The following SLC22A23 variants were observed in gnomAD, a reference collection of about 807,000 sequenced individuals.
The protein encoded by SLC22A23 is ion transporter protein.
Under a neutral mutation model 61.0 loss-of-function variants are expected in SLC22A23, and 26 were observed. That is an observed-to-expected ratio of 0.43 (90% confidence interval 0.31 to 0.59). The LOEUF (loss-of-function observed/expected upper bound fraction) is 0.59. SLC22A23 is among the 20% of genes least tolerant of loss of function. The probability of loss-of-function intolerance (pLI) is 0.11; values close to 1 mark genes in which losing one functional copy is unlikely to be tolerated. For synonymous variants in SLC22A23, 430 were observed against 413.9 expected (o/e 1.04, Z -0.47); for missense variants, 796 against 934.7 (o/e 0.85, Z 1.94).
rs544193752 is a variant in SLC22A23 at position 3,279,406 on chromosome 6, G to T, written c.1703+4446C>A. On this transcript the variant is annotated intron_variant, in intron 9 of 9. Transcript: ENST00000406686. Reference sequence around the variant, plus strand: ...CGTGCACGTAATCCCAGCTGCTTGGGAGGCTGAGGCAGGAGAATCACTTGA... The same window carrying T: ...CGTGCACGTAATCCCAGCTGCTTGGTAGGCTGAGGCAGGAGAATCACTTGA... Among the ~76,000 whole-genome samples the T allele has an allele frequency of 7.4e-5, 11 of 149,646 alleles. No homozygotes were observed. In the East Asian group the frequency reaches 1.8e-3, roughly 24 times the overall value.
intron 4 of SLC22A23, 139 bp from the exon 5 acceptor site, chr6:3,298,357 T>G: frequency 1.1e-6 from 1 of 940,332 alleles, no homozygotes; most frequent in Admixed American, 3.1e-5. Context: ...TCAGGGGAGA[T>G]AAAACTGTGG....
Position 3,286,742 on chromosome 6 carries a change from T to C in SLC22A23, c.1546+117A>G, listed in dbSNP as rs1268573058. The C allele has an allele frequency of 5.4e-6, 5 of 917,508 alleles. No individual in the cohort carries two copies. The African/African-American group carries it at 8.2e-5, about 15-fold the overall frequency. The allele number at this position is 917,508 out of a possible 1,614,324, so 56.8% of individuals were successfully genotyped here. ...GAAGCTCTGTTCTCCCCAAAGCAGC[T>C]CCTTCCAGCAGTAGATTTTAGAGTG... On this transcript the variant is annotated intron_variant, in intron 7 of 9. Coordinates refer to ENST00000406686, the MANE Select transcript of SLC22A23 (RefSeq NM_015482.2). This position sits in a 1 kb window ranked among gnomAD's most constrained non-coding sequence, Gnocchi z 4.2.
chr6:3,310,943 T>G (rs1013374220), intron 4 of SLC22A23, among the ~76,000 whole-genome samples: 1 of 152,174 alleles, frequency 6.6e-6, no homozygotes, highest in Non-Finnish European at 1.5e-5. Flanking sequence ...AGTCATTCCT[T>G]TATTTGTTTT....
chr6:3,303,765 A>G (rs1761783336), intron 4 of SLC22A23, among the ~76,000 whole-genome samples: 1 of 152,214 alleles, frequency 6.6e-6, no homozygotes, highest in African/African-American at 2.4e-5. Context: ...GATAGGAGGA[A>G]TATGTTCTAG....
In SLC22A23 at chr6:3,274,957, CTTT is replaced by C. The variant is rs11393848; in HGVS notation, c.1704-1548_1704-1546del. On this transcript the variant is annotated intron_variant, in intron 9 of 9. Transcript: ENST00000406686. Reference sequence around the variant, plus strand: ...TAATCCCTATCAAAATTCCAGGTGACTTTTTTTTTTTTTCAGAAAACAGCCAAT... The same window carrying C: ...TAATCCCTATCAAAATTCCAGGTGACTTTTTTTTTTCAGAAAACAGCCAAT... Among the ~76,000 whole-genome samples, 35 of 143,434 alleles carry C rather than the reference CTTT, an allele frequency of 2.4e-4. No homozygotes were observed. In the East Asian group the frequency reaches 5.0e-3, roughly 21 times the overall value. The allele number at this position is 143,434 out of a possible 152,430, so 94.1% of individuals were successfully genotyped here. A position where few individuals can be genotyped will look rare whatever the true frequency, so the allele number is the denominator to read the frequency against.
At position 3,427,600 on chromosome 6, in the gene SLC22A23, T is replaced by A. The variant is rs1290595441; in HGVS notation, c.655-11745A>T. On this transcript the variant is annotated intron_variant, in intron 1 of 9. Coordinates refer to ENST00000406686, the MANE Select transcript of SLC22A23 (RefSeq NM_015482.2). This position sits in a 1 kb window ranked among gnomAD's most constrained non-coding sequence, Gnocchi z 4.3. ...CCCGGGGCTCTACCGTGCTTTCAGGTCCTCCCACCACCTCTCAGGATGCCG... is the reference window on the plus strand; with the variant it reads ...CCCGGGGCTCTACCGTGCTTTCAGGACCTCCCACCACCTCTCAGGATGCCG... Among the ~76,000 whole-genome samples, 1 of 152,028 alleles carries A rather than the reference T, an allele frequency of 6.6e-6. No homozygotes were observed. The highest frequency in any genetic ancestry group is 2.4e-5 in the African/African-American group (1 of 41,394).
chr6:3,441,851 C>T (rs941640312), intron 1 of SLC22A23, among the ~76,000 whole-genome samples: 3 of 152,176 alleles, frequency 2.0e-5, no homozygotes, highest in African/African-American at 7.2e-5. Context: ...TGACACCAGC[C>T]CAGGGCAGAT....
chr6:3,419,306 T>A (rs994524910), intron 1 of SLC22A23, among the ~76,000 whole-genome samples: 6 of 152,106 alleles, frequency 3.9e-5, no homozygotes. Context: ...CACCCCGATT[T>A]ATAGGGATGG....
At chr6:3,434,376 G>A (rs1056535200) in intron 1 of SLC22A23, among the ~76,000 whole-genome samples, 10 of 151,912 alleles carry the variant, frequency 6.6e-5, no homozygotes, top group African/African-American at 2.4e-4. Context: ...AGCACTTTGG[G>A]AGGGCGGGTG....
At chr6:3,340,326 C>T (rs562824287) in intron 3 of SLC22A23, among the ~76,000 whole-genome samples, 1 of 152,114 alleles carries the variant, frequency 6.6e-6, no homozygotes, top group Admixed American at 6.5e-5. Flanking sequence ...TAAGGTAAAA[C>T]GCCCGCCGGT....
At chr6:3,364,075 G>T (rs1765649947) in intron 3 of SLC22A23, among the ~76,000 whole-genome samples, 1 of 152,228 alleles carries the variant, frequency 6.6e-6, no homozygotes, top group Non-Finnish European at 1.5e-5. Flanking sequence ...TAGAGCTTTT[G>T]CCTTCCCTCT....
chr6:3,275,127 A>G (rs1190621089), intron 9 of SLC22A23, among the ~76,000 whole-genome samples: 2 of 152,240 alleles, frequency 1.3e-5, no homozygotes, highest in African/African-American at 2.4e-5. Flanking sequence ...ATATATCAAT[A>G]GATCAATGGA....
chr6:3,361,852 C>G (rs542576330), intron 3 of SLC22A23, among the ~76,000 whole-genome samples: 1 of 152,310 alleles, frequency 6.6e-6, no homozygotes, highest in South Asian at 2.1e-4. Context: ...CCGGTTCTCA[C>G]GCTACGACCT....
intron 9 of SLC22A23, chr6:3,276,903 C>A (rs1201599337): frequency 6.6e-6 from 1 of 152,216 alleles, no homozygotes; most frequent in Non-Finnish European, 1.5e-5. Context: ...AGCAGGAGTT[C>A]TGGAGCCCAT....
chr6:3,321,910 G>A (rs1762975072), intron 4 of SLC22A23, among the ~76,000 whole-genome samples: 1 of 152,212 alleles, frequency 6.6e-6, no homozygotes, highest in South Asian at 2.1e-4. Flanking sequence ...TGGGGAGAGG[G>A]GGTGAGCTGT....
chr6:3,415,956 A>G, intron 1 of SLC22A23, 101 bp from the exon 2 acceptor site: 1 of 793,980 alleles, frequency 1.3e-6, no homozygotes, highest in Non-Finnish European at 2.1e-6. Context: ...GGACCACCGC[A>G]CCGTTGCCAG....
In SLC22A23 at chr6:3,327,302, G is replaced by A. The variant is rs1052800817; in HGVS notation, c.914-3300C>T. 2.6e-4 allele frequency among the ~76,000 whole-genome samples: 40 copies of A among 152,368 alleles called. No individual in the cohort carries two copies. Among genetic ancestry groups the A allele is most frequent in the African/African-American group, 9.1e-4 (38 of 41,582 alleles). On this transcript the variant is annotated intron_variant, in intron 3 of 9. Coordinates refer to ENST00000406686, the MANE Select transcript of SLC22A23 (RefSeq NM_015482.2). The surrounding 1 kb of genome is among the most constrained non-coding windows in gnomAD (Gnocchi z 4.1). ...CAGGCAGGTGTCCACAGTGCCCGTGGAAGACCTTGGCTGGCAGCTGTGTCC... is the reference window on the plus strand; with the variant it reads ...CAGGCAGGTGTCCACAGTGCCCGTGAAAGACCTTGGCTGGCAGCTGTGTCC...
In SLC22A23 at chr6:3,324,131, A is replaced by G; in HGVS notation, c.914-129T>C. 5 of 1,157,286 alleles carry G rather than the reference A, an allele frequency of 4.3e-6. No individual in the cohort carries two copies. The highest frequency in any genetic ancestry group is 6.1e-6 in the Non-Finnish European group (5 of 814,822). The allele number at this position is 1,157,286 out of a possible 1,614,324, so 71.7% of individuals were successfully genotyped here. On this transcript the variant is annotated intron_variant, in intron 3 of 9. Transcript: ENST00000406686. The surrounding 1 kb of genome is among the most constrained non-coding windows in gnomAD (Gnocchi z 4.3). ...AAATTGTTTTCATCTGCTGCCCACC[A>G]CAAGTGCCCTATGTGGTGTGCCAGT...
chr6:3,273,996 C>T (rs931370965), intron 9 of SLC22A23, among the ~76,000 whole-genome samples: 4 of 152,168 alleles, frequency 2.6e-5, no homozygotes, highest in South Asian at 2.1e-4. Context: ...CCATTGGAAA[C>T]GGTCCCATCT....
Sources: allele counts gnomAD v4.1 joint callset (sites outside exome capture counted in the v4.1 genomes callset), GRCh38; gene constraint gnomAD v4.1.1; non-coding constraint Gnocchi (gnomAD v3.1); transcripts MANE v1.5; gene names NCBI Gene and HGNC (gene_info 2026-07-23, HGNC 2026-07-21).